Variants in PDE4B observed in about 807,000 individuals in gnomAD.
The protein encoded by PDE4B is 3',5'-cyclic-AMP phosphodiesterase 4B.
Under a neutral mutation model 82.2 loss-of-function variants are expected in PDE4B, and 20 were observed. The ratio of observed to expected loss-of-function variants is 0.24; its 90% CI spans 0.17 to 0.35. PDE4B has a LOEUF of 0.35. Among genes scored for constraint, PDE4B ranks in the 10% least tolerant of loss-of-function variants. PDE4B has a pLI of 1.00. For missense variants in PDE4B, 655 were observed against 907.2 expected (o/e 0.72, Z 3.57); for synonymous variants, 320 against 318.9 (o/e 1.00, Z -0.04).
chr1:65,961,104 T>C (rs926191696), intron 3 of PDE4B, among the ~76,000 whole-genome samples: 1 of 152,146 alleles, frequency 6.6e-6, no homozygotes, highest in Non-Finnish European at 1.5e-5. Context: ...AGGTGACATA[T>C]GTGGATCACA....
At chr1:66,058,058 G>T (rs1278112618) in intron 3 of PDE4B, among the ~76,000 whole-genome samples, 1 of 152,168 alleles carries the variant, frequency 6.6e-6, no homozygotes, top group African/African-American at 2.4e-5. Flanking sequence ...AGATACAATG[G>T]GGGTACAGCT....
intron 3 of PDE4B, among the ~76,000 whole-genome samples, chr1:66,099,716 C>G (rs1645184224): frequency 6.6e-6 from 1 of 152,076 alleles, no homozygotes; most frequent in Non-Finnish European, 1.5e-5. Flanking sequence ...CCATTTATCT[C>G]AGTCCCAAGC....
At chr1:66,320,437 A>G (rs1208667785) in intron 7 of PDE4B, among the ~76,000 whole-genome samples, 1 of 152,220 alleles carries the variant, frequency 6.6e-6, no homozygotes, top group African/African-American at 2.4e-5. Flanking sequence ...CATGAATGCA[A>G]AAGAAAGATA....
chr1:66,191,362 T>C (rs973406300), intron 3 of PDE4B, among the ~76,000 whole-genome samples: 1 of 152,312 alleles, frequency 6.6e-6, no homozygotes, highest in East Asian at 1.9e-4. Context: ...ATGTGAATGA[T>C]TTATTAGAGA....
chr1:65,856,263 A>G (rs2100234258), intron 1 of PDE4B, among the ~76,000 whole-genome samples: 1 of 152,224 alleles, frequency 6.6e-6, no homozygotes, highest in South Asian at 2.1e-4. Context: ...ATGAGTATAC[A>G]TGTGCCATGG....
intron 3 of PDE4B, among the ~76,000 whole-genome samples, chr1:66,164,327 G>A (rs151295978): frequency 6.6e-6 from 1 of 151,872 alleles, no homozygotes; most frequent in Non-Finnish European, 1.5e-5. Flanking sequence ...ACAAGGTCAG[G>A]AGTTCGAAAC....
At chr1:66,129,012 C>A (rs1377446317) in intron 3 of PDE4B, among the ~76,000 whole-genome samples, 2 of 152,144 alleles carry the variant, frequency 1.3e-5, no homozygotes, top group African/African-American at 4.8e-5. Flanking sequence ...TATCAGCAAA[C>A]TATTATGATT....
chr1:66,314,414 T>C (rs1381452618), intron 7 of PDE4B, among the ~76,000 whole-genome samples: 3 of 152,154 alleles, frequency 2.0e-5, no homozygotes, highest in Admixed American at 1.3e-4. Context: ...TTTGTTTTGT[T>C]TTGTTTTGTT....
chr1:66,163,053 A>C (rs1646649146), intron 3 of PDE4B, among the ~76,000 whole-genome samples: 1 of 152,190 alleles, frequency 6.6e-6, no homozygotes, highest in African/African-American at 2.4e-5. Context: ...TAGATTTGTC[A>C]TAATGTTTCT....
At chr1:66,117,934 A>G (rs560607323) in intron 3 of PDE4B, among the ~76,000 whole-genome samples, 57 of 152,316 alleles carry the variant, frequency 3.7e-4, no homozygotes, top group African/African-American at 1.2e-3. Flanking sequence ...CCAACAGTGT[A>G]AAAGTGTTCC....
At chr1:65,834,205 C>A (rs182664826) in intron 1 of PDE4B, among the ~76,000 whole-genome samples, 1 of 152,248 alleles carries the variant, frequency 6.6e-6, no homozygotes, top group East Asian at 1.9e-4. Flanking sequence ...CCGTCATGCC[C>A]AGCTAATTTT....
intron 3 of PDE4B, among the ~76,000 whole-genome samples, chr1:66,184,896 T>G (rs1227709202): frequency 6.6e-6 from 1 of 152,068 alleles, no homozygotes; most frequent in African/African-American, 2.4e-5. Flanking sequence ...CGTGCATGTT[T>G]GTTGCATATG....
intron 7 of PDE4B, among the ~76,000 whole-genome samples, chr1:66,311,008 A>G (rs1658630506): frequency 6.6e-6 from 1 of 152,162 alleles, no homozygotes; most frequent in African/African-American, 2.4e-5. Context: ...TTGAACTGTT[A>G]TCTTTGGGTA....
In PDE4B at chr1:66,197,113, G is replaced by A. The variant is rs553391900; in HGVS notation, c.282-50347G>A. On this transcript the variant is annotated intron_variant, in intron 3 of 16. Coordinates refer to ENST00000341517, the MANE Select transcript of PDE4B (RefSeq NM_002600.4). Reference sequence around the variant, plus strand: ...GAAGTCTGGATCTGTTTATGTTGCCGCAGTCCCTCTTGAAATTACCAAATA... The same window carrying A: ...GAAGTCTGGATCTGTTTATGTTGCCACAGTCCCTCTTGAAATTACCAAATA... Among the ~76,000 whole-genome samples, 51 of 152,072 alleles carry A rather than the reference G, an allele frequency of 3.4e-4. 1 individual carries two copies. In the South Asian group the frequency reaches 6.9e-3, roughly 20 times the overall value.
At chr1:66,265,972 G>A in intron 6 of PDE4B, 66 bp from the exon 7 acceptor site, 2 of 1,120,560 alleles carry the variant, frequency 1.8e-6, no homozygotes, top group Non-Finnish European at 2.7e-6. Context: ...ATGAGGGTGG[G>A]GTGTCGGGGG....
chr1:65,828,565 A>T (rs12563191), intron 1 of PDE4B, among the ~76,000 whole-genome samples: 14,873 of 152,094 alleles, frequency 0.098, 842 homozygotes, highest in South Asian at 0.14. Flanking sequence ...TTATTCCTCT[A>T]AAGGATAGCT....
At chr1:66,180,531 G>A (rs1025121686) in intron 3 of PDE4B, among the ~76,000 whole-genome samples, 4 of 152,192 alleles carry the variant, frequency 2.6e-5, no homozygotes, top group Admixed American at 6.5e-5. Context: ...GGCTGTAGCA[G>A]TAACTCAGGA....
At chr1:66,113,731 C>A (rs1434408904) in intron 3 of PDE4B, among the ~76,000 whole-genome samples, 2 of 152,068 alleles carry the variant, frequency 1.3e-5, no homozygotes, top group African/African-American at 2.4e-5. Flanking sequence ...CAATAGAATT[C>A]TTGTCAGTGG....
At chr1:66,350,652 G>A (rs1312422839) in intron 8 of PDE4B, among the ~76,000 whole-genome samples, 1 of 152,138 alleles carries the variant, frequency 6.6e-6, no homozygotes, top group Non-Finnish European at 1.5e-5. Flanking sequence ...TTAGATTTGA[G>A]AAGAGCCTGC....
Sources: gnomAD v4.1 joint callset for allele counts (sites outside exome capture counted in the v4.1 genomes callset) on GRCh38, gnomAD v4.1.1 for gene constraint, MANE v1.5 for transcripts, NCBI Gene and HGNC (gene_info 2026-07-23, HGNC 2026-07-21) for gene names.